RYR1: variants seen among roughly 807,000 people sequenced by gnomAD.
RYR1 encodes central core disease of muscle.
In RYR1, 342 loss-of-function variants were observed where a neutral mutation model predicts 583.5. That is an observed-to-expected ratio of 0.59 (90% CI 0.54 to 0.64). The LOEUF (loss-of-function observed/expected upper bound fraction) is 0.64. Ranked by LOEUF, RYR1 falls within the 30% of genes least tolerant of loss-of-function variation. The pLI, the probability that RYR1 is intolerant of heterozygous loss-of-function variation, is 0.00. For missense variants in RYR1, 6,032 were observed against 6,917.2 expected (o/e 0.87, Z 4.54); for synonymous variants, 2,791 against 2,822.5 (o/e 0.99, Z 0.35).
intron 58 of RYR1, among the ~76,000 whole-genome samples, chr19:38,508,683 T>TGTCAGGATG (rs1397417241): frequency 6.6e-6 from 1 of 152,006 alleles, no homozygotes; most frequent in Non-Finnish European, 1.5e-5. Flanking sequence ...CTGGTGTGAG[T>TGTCAGGATG]GTCAGGATGC....
At chr19:38,570,578 G>T (rs375944437) in intron 93 of RYR1, 29 bp from the exon 94 acceptor site, 24 of 1,563,874 alleles carry the variant, frequency 1.5e-5, no homozygotes, top group Non-Finnish European at 1.9e-5. Context: ...ATCTGTGAGC[G>T]CTTTCTCTCT....
At chr19:38,505,454 G>A (rs1600847612) in intron 53 of RYR1, 56 bp downstream of exon 53, 1 of 1,276,580 alleles carries the variant, frequency 7.8e-7, no homozygotes, top group Admixed American at 1.9e-5. Flanking sequence ...CCAAATTTGA[G>A]GATTCGGGGA....
rs2229142 is a variant in RYR1 at position 38,502,907 on chromosome 19, C to G, written c.7863C>G (p.His2621Gln). ...ACATCCGCCCGTCGATGCTGCAGCA[C>G]CTGTTGCGCCGCCTGGTGTTCGACG... ...CRYIRPSMLQ[H>Q]LLRRLVFDVP... Residue 2621 changes from histidine (H) to glutamine (Q), a missense_variant, in exon 49 of 106, where the codon CAC becomes CAG. Transcript: ENST00000359596. The G allele has an allele frequency of 6.2e-7, 1 of 1,610,640 alleles. No individual in the cohort carries two copies. Among genetic ancestry groups the G allele is most frequent in the Non-Finnish European group, 8.5e-7 (1 of 1,179,768 alleles).
intron 34 of RYR1, among the ~76,000 whole-genome samples, chr19:38,488,108 C>T (rs186441649): frequency 6.6e-6 from 1 of 152,112 alleles, no homozygotes; most frequent in Non-Finnish European, 1.5e-5. Context: ...TGAGCCACCA[C>T]ACCTGGCCCC....
intron 87 of RYR1, among the ~76,000 whole-genome samples, chr19:38,545,483 C>T (rs1972384479): frequency 6.6e-6 from 1 of 152,184 alleles, no homozygotes; most frequent in Non-Finnish European, 1.5e-5. Flanking sequence ...GTATCATCTC[C>T]TCCCCTCTCC....
chr19:38,466,266 C>A lies in RYR1; in HGVS notation c.3046C>A (p.Arg1016=). 6.2e-7 allele frequency: 1 copy of A among 1,613,094 alleles called. No individual in the cohort carries two copies. Among genetic ancestry groups the A allele is most frequent in the Non-Finnish European group, 8.5e-7 (1 of 1,179,904 alleles). Residue 1016 remains arginine, a synonymous_variant, in exon 24 of 106, where the codon CGA becomes AGA. Coordinates refer to ENST00000359596, the MANE Select transcript of RYR1 (RefSeq NM_000540.3). Reference sequence around the variant, plus strand: ...CGCAGTGCAGGACATCCCAGCGCGCCGAAACCCTCGGCTGGTGCCCTACCG... The same window carrying A: ...CGCAGTGCAGGACATCCCAGCGCGCAGAAACCCTCGGCTGGTGCCCTACCG... The part of the protein sequence containing the change: ...YSAVQDIPAR[R]NPRLVPYRLL...
chr19:38,444,863 CA>C lies in RYR1; in HGVS notation c.631+189del, dbSNP rs1433364241. ...AGACCCCCAGAGCTCAGAACCCCCCCAAACCCCGAACTAAATATCAGGCTCC... is the reference window on the plus strand; with the variant it reads ...AGACCCCCAGAGCTCAGAACCCCCCCAACCCCGAACTAAATATCAGGCTCC... On this transcript the variant is annotated intron_variant, in intron 7 of 105. Transcript: ENST00000359596. The surrounding 1 kb of genome is among the most constrained non-coding windows in gnomAD (Gnocchi z 5.1). Among the ~76,000 whole-genome samples the C allele has an allele frequency of 6.6e-6, 1 of 151,740 alleles. No homozygotes were observed. Among genetic ancestry groups the C allele is most frequent in the Admixed American group, 6.6e-5 (1 of 15,222 alleles).
At chr19:38,503,362 TATTTGCACACTGTCTCTCTTATTTTTTC>T (rs1295820444) in intron 49 of RYR1, among the ~76,000 whole-genome samples, 1 of 152,216 alleles carries the variant, frequency 6.6e-6, no homozygotes, top group African/African-American at 2.4e-5. Flanking sequence ...CTATTCTGAA[TATTTGCACACTGTCTCTCTTATTTTTTC>T]ATTTGCATGC....
intron 27 of RYR1, among the ~76,000 whole-genome samples, chr19:38,472,936 A>T (rs1320942262): frequency 6.6e-6 from 1 of 151,490 alleles, no homozygotes; most frequent in East Asian, 1.9e-4. Flanking sequence ...GAATCATTTG[A>T]ACCCTGTAGG....
At chr19:38,559,924 CTTT>C (rs571980915) in intron 89 of RYR1, among the ~76,000 whole-genome samples, 3 of 140,614 alleles carry the variant, frequency 2.1e-5, no homozygotes. Context: ...GTCATGAAAC[CTTT>C]TTTTTTTTTT....
chr19:38,445,319 C>T (rs1972890077), intron 7 of RYR1, among the ~76,000 whole-genome samples: 1 of 151,570 alleles, frequency 6.6e-6, no homozygotes, highest in Non-Finnish European at 1.5e-5. Flanking sequence ...AAATTCAAAC[C>T]TCAGATCCCC....
chr19:38,548,504 C>A, intron 89 of RYR1, 84 bp downstream of exon 89: 1 of 1,264,528 alleles, frequency 7.9e-7, no homozygotes, highest in Non-Finnish European at 1.1e-6. Context: ...CTGCCTCAGG[C>A]AAGAGACATC....
At position 38,565,348 on chromosome 19, in the gene RYR1, A is replaced by G; in HGVS notation, c.13014A>G (p.Ala4338=). 1 of 1,291,840 alleles carries G rather than the reference A, an allele frequency of 7.7e-7. No individual in the cohort carries two copies. The highest frequency in any genetic ancestry group is 9.7e-7 in the Non-Finnish European group (1 of 1,029,144). 80.0% of individuals were successfully genotyped at this position (1,291,840 alleles called of 1,614,324 possible). A position where few individuals can be genotyped will look rare whatever the true frequency, so the allele number is the denominator to read the frequency against. The change falls in exon 91 of 106, where the codon GCA becomes GCG. Residue 4338 remains alanine (A), a synonymous_variant. Coordinates refer to ENST00000359596, the MANE Select transcript of RYR1 (RefSeq NM_000540.3). This position sits in a 1 kb window ranked among gnomAD's most constrained non-coding sequence, Gnocchi z 4.7. ...CCGCAGTGGCGGCGCTGCTCTGGGC[A>G]GCAGTGACGCGCGCTGGGGCCGCTG... ...AATAVAALLW[A]AVTRAGAAGA...
At chr19:38,545,733 C>A (rs1224160444) in intron 87 of RYR1, among the ~76,000 whole-genome samples, 4 of 151,954 alleles carry the variant, frequency 2.6e-5, no homozygotes, top group Non-Finnish European at 5.9e-5. Context: ...ATTGCTTGAA[C>A]CTGGGAGGCA....
In RYR1 at chr19:38,452,838, G is replaced by A. The variant is rs757157750; in HGVS notation, c.1264G>A (p.Gly422Arg). The A allele has an allele frequency of 7.5e-6, 12 of 1,599,322 alleles. No individual in the cohort carries two copies. The highest frequency in any genetic ancestry group is 9.4e-6 in the Non-Finnish European group (11 of 1,173,430). The change falls in exon 13 of 106, where the codon GGG becomes AGG. Residue 422 changes from glycine to arginine, a missense_variant. This residue lies in a region of RYR1 where 2,627 missense variants were observed against 2,961.3 expected (regional missense o/e 0.89). Transcript: ENST00000359596. ...CTGTAGGAGCCTGGACAGCTTCAGC[G>A]GGAAGCCACGGGGCTCGGGGCCACC... ...QFIKSLDSFS[G>R]KPRGSGPPAG...
chr19:38,465,758 C>A (rs1204666931), intron 23 of RYR1, among the ~76,000 whole-genome samples: 1 of 151,718 alleles, frequency 6.6e-6, no homozygotes, highest in Non-Finnish European at 1.5e-5. Flanking sequence ...GAGTGAAACT[C>A]CGTATCAAAA....
chr19:38,567,687 G>C, intron 92 of RYR1, 86 bp from the exon 93 acceptor site: 1 of 1,601,770 alleles, frequency 6.2e-7, no homozygotes, highest in Non-Finnish European at 8.5e-7. Flanking sequence ...GGCACAGGGC[G>C]GGCCCTTGGT....
rs554535848 is a variant in RYR1, at chr19:38,446,286, A to G, written c.632-186A>G. On this transcript the variant is annotated intron_variant, in intron 7 of 105. Coordinates refer to ENST00000359596, the MANE Select transcript of RYR1 (RefSeq NM_000540.3). ...TGCCCAGCTTCAGACCCCAAGTCTCATATCCCCACTTCAGGCCTCAACCTT... is the reference window on the plus strand; with the variant it reads ...TGCCCAGCTTCAGACCCCAAGTCTCGTATCCCCACTTCAGGCCTCAACCTT... Among the ~76,000 whole-genome samples the G allele has an allele frequency of 7.3e-4, 111 of 152,210 alleles. 2 individuals carry two copies. Among genetic ancestry groups the G allele is most frequent in the Admixed American group, 4.4e-3 (68 of 15,288 alleles).
chr19:38,463,250 T>C (rs1290925250), intron 20 of RYR1, among the ~76,000 whole-genome samples, 173 bp from the exon 21 acceptor site: 1 of 144,532 alleles, frequency 6.9e-6, no homozygotes, highest in Non-Finnish European at 1.5e-5. Flanking sequence ...CCCTCACCCA[T>C]CTGAGTGTCA....
Sources: allele counts gnomAD v4.1 joint callset (sites outside exome capture counted in the v4.1 genomes callset), GRCh38; gene constraint gnomAD v4.1.1; regional missense constraint gnomAD v4.1.1; non-coding constraint Gnocchi (gnomAD v3.1); transcripts MANE v1.5; gene names NCBI Gene and HGNC (gene_info 2026-07-23, HGNC 2026-07-21).